FBXL17: variants seen among roughly 807,000 people sequenced by gnomAD.
The protein encoded by FBXL17 is F-box/LRR-repeat protein 17.
FBXL17 carries 22 observed loss-of-function variants against 66.2 expected under a neutral mutation model. The observed-to-expected ratio is 0.33, with a 90% CI of 0.24 to 0.47. The LOEUF (loss-of-function observed/expected upper bound fraction) is 0.47. FBXL17 is among the 20% of genes least tolerant of loss of function. The pLI is 1.00. For missense variants in FBXL17, 878 were observed against 948.2 expected (o/e 0.93, Z 0.97); for synonymous variants, 474 against 400.5 (o/e 1.18, Z -2.19).
At chr5:107,890,899 T>C (rs1423813087) in intron 7 of FBXL17, among the ~76,000 whole-genome samples, 5 of 152,230 alleles carry the variant, frequency 3.3e-5, no homozygotes, top group East Asian at 1.9e-4. Context: ...CAAATACAAA[T>C]TGAGTACCCA....
chr5:107,886,121 A>T (rs2112509261), intron 7 of FBXL17, among the ~76,000 whole-genome samples: 1 of 152,336 alleles, frequency 6.6e-6, no homozygotes, highest in Admixed American at 6.5e-5. Flanking sequence ...AAAACCAAAA[A>T]GAACTGTAAG....
chr5:108,342,677 C>A (rs553276559), intron 4 of FBXL17, among the ~76,000 whole-genome samples: 16 of 152,138 alleles, frequency 1.1e-4, no homozygotes, highest in African/African-American at 3.9e-4. Context: ...TTGACACCCA[C>A]CTGTTGTTAA....
intron 7 of FBXL17, among the ~76,000 whole-genome samples, chr5:107,956,093 T>A (rs74455948): frequency 0.045 from 6,889 of 152,164 alleles, 484 homozygotes; most frequent in East Asian, 0.31. Flanking sequence ...AAAAACATAA[T>A]CATTGTGTAG....
intron 4 of FBXL17, among the ~76,000 whole-genome samples, chr5:108,301,613 C>G (rs916632275): frequency 2.0e-5 from 3 of 151,558 alleles, no homozygotes; most frequent in African/African-American, 7.3e-5. Context: ...GGTCTAATCT[C>G]AAGAAAAAAG....
At chr5:108,153,855 C>T (rs1257967217) in intron 6 of FBXL17, among the ~76,000 whole-genome samples, 1 of 152,168 alleles carries the variant, frequency 6.6e-6, no homozygotes, top group Non-Finnish European at 1.5e-5. Flanking sequence ...GTTTTTAAAA[C>T]ATCCAAAATG....
chr5:108,134,494 C>G (rs1751057062), intron 6 of FBXL17, among the ~76,000 whole-genome samples: 1 of 152,094 alleles, frequency 6.6e-6, no homozygotes, highest in African/African-American at 2.4e-5. Flanking sequence ...ACATAAAAAT[C>G]CAACAAATTT....
At position 107,888,182 on chromosome 5, in the gene FBXL17, CTTATT is replaced by C. The variant is rs138819953; in HGVS notation, c.1823-7008_1823-7004del. Reference sequence around the variant, plus strand: ...AAACATTTTCCTTTTCTTCATTGTACTTATTTTATATTTCTAATGTAGCACTTACC... The same window carrying C: ...AAACATTTTCCTTTTCTTCATTGTACTTATATTTCTAATGTAGCACTTACC... On this transcript the variant is annotated intron_variant, in intron 7 of 8. Coordinates refer to ENST00000542267, the MANE Select transcript of FBXL17 (RefSeq NM_001163315.3). Among the ~76,000 whole-genome samples, 1,325 of 152,178 alleles carry C rather than the reference CTTATT, an allele frequency of 8.7e-3. 23 individuals carry two copies. The highest frequency in any genetic ancestry group is 0.031 in the African/African-American group (1,273 of 41,514).
At chr5:107,919,475 C>T (rs1325712173) in intron 7 of FBXL17, among the ~76,000 whole-genome samples, 1 of 152,204 alleles carries the variant, frequency 6.6e-6, no homozygotes, top group East Asian at 1.9e-4. Context: ...CTCCTCTGCT[C>T]ACAGTGGGTT....
At chr5:108,066,902 G>C (rs992435353) in intron 6 of FBXL17, among the ~76,000 whole-genome samples, 14 of 151,776 alleles carry the variant, frequency 9.2e-5, no homozygotes, top group African/African-American at 3.4e-4. Flanking sequence ...TAAAGTCTTT[G>C]AATATTGAAA....
In FBXL17 at chr5:108,362,953, T is replaced by C. The variant is rs545521202; in HGVS notation, c.1374+1785A>G. 3.3e-5 allele frequency among the ~76,000 whole-genome samples: 5 copies of C among 152,146 alleles called. No homozygotes were observed. The South Asian group carries it at 1.0e-3, about 32-fold the overall frequency. On this transcript the variant is annotated intron_variant, in intron 3 of 8. Transcript: ENST00000542267. ...CCCTGCAACAACTTAATCTGTAGAA[T>C]CAACAATTCAGTCAATTGCTAAATT...
chr5:108,202,941 T>C (rs1396779820), intron 5 of FBXL17, among the ~76,000 whole-genome samples: 5 of 152,138 alleles, frequency 3.3e-5, no homozygotes, highest in Non-Finnish European at 5.9e-5. Flanking sequence ...ACTTAAATAA[T>C]TAAGCAACCT....
At chr5:107,931,586 G>A (rs1388971158) in intron 7 of FBXL17, among the ~76,000 whole-genome samples, 2 of 151,858 alleles carry the variant, frequency 1.3e-5, no homozygotes, top group Admixed American at 6.6e-5. Context: ...ATTTATACAG[G>A]TATCTTTCTA....
intron 7 of FBXL17, among the ~76,000 whole-genome samples, chr5:107,893,239 A>T (rs1289626309): frequency 6.6e-6 from 1 of 152,216 alleles, no homozygotes; most frequent in Non-Finnish European, 1.5e-5. Context: ...AACAGGATGG[A>T]TGCTACAGAA....
At chr5:108,260,181 CAGGAG>C (rs1459282148) in intron 4 of FBXL17, among the ~76,000 whole-genome samples, 2 of 151,978 alleles carry the variant, frequency 1.3e-5, no homozygotes, top group Non-Finnish European at 2.9e-5. Context: ...GGGCATTGGA[CAGGAG>C]AGGACTAGTT....
intron 7 of FBXL17, among the ~76,000 whole-genome samples, chr5:107,905,976 G>T (rs1267803432): frequency 6.6e-6 from 1 of 152,030 alleles, no homozygotes; most frequent in African/African-American, 2.4e-5. Context: ...GAATATAAGG[G>T]CATGACCACA....
chr5:108,184,251 C>G (rs1244031561), intron 6 of FBXL17, among the ~76,000 whole-genome samples: 1 of 152,140 alleles, frequency 6.6e-6, no homozygotes, highest in African/African-American at 2.4e-5. Flanking sequence ...AACAGAAACG[C>G]CATCTCTACT....
At position 108,381,954 on chromosome 5, in the gene FBXL17, G is replaced by GGAGC. The variant is rs1330926935; in HGVS notation, c.-267_-264dup. ...CGCGAGCTTTGGGGACGCGAGGGAG[G>GGAGC]GAGCGAGCGAGCCTGCCGGCTAGGC... On this transcript the variant is annotated 5_prime_UTR_variant, in exon 1 of 9. Transcript: ENST00000542267. 4 of 1,237,688 alleles carry GGAGC rather than the reference G, an allele frequency of 3.2e-6. No individual in the cohort carries two copies. Among genetic ancestry groups the GGAGC allele is most frequent in the Non-Finnish European group, 4.0e-6 (4 of 988,762 alleles). 76.7% of individuals were successfully genotyped at this position (1,237,688 alleles called of 1,614,324 possible). A position where few individuals can be genotyped will look rare whatever the true frequency, so the allele number is the denominator to read the frequency against.
chr5:107,910,038 T>C (rs774584572), intron 7 of FBXL17, among the ~76,000 whole-genome samples: 9 of 148,768 alleles, frequency 6.0e-5, no homozygotes, highest in Non-Finnish European at 1.2e-4. Flanking sequence ...TACACTGAAC[T>C]AAAGTGACTT....
At chr5:108,354,436 GA>G (rs1747835693) in intron 3 of FBXL17, among the ~76,000 whole-genome samples, 1 of 151,594 alleles carries the variant, frequency 6.6e-6, no homozygotes, top group South Asian at 2.1e-4. Flanking sequence ...TTCCAAAACT[GA>G]AAATCAGGAG....
Sources: allele counts gnomAD v4.1 joint callset (sites outside exome capture counted in the v4.1 genomes callset), GRCh38; gene constraint gnomAD v4.1.1; transcripts MANE v1.5; gene names NCBI Gene and HGNC (gene_info 2026-07-23, HGNC 2026-07-21).